The following PLAAT5 variants were observed in gnomAD, a reference collection of about 807,000 sequenced individuals.
PLAAT5 encodes the protein Ca(2+)-independent N-acyltransferase.
PLAAT5 carries 27 observed loss-of-function variants against 27.8 expected under a neutral mutation model. The ratio of observed to expected loss-of-function variants is 0.97; its 90% confidence interval spans 0.72 to 1.34. PLAAT5 has a LOEUF of 1.34. Ranked by LOEUF, PLAAT5 falls within the 40% of genes most tolerant of loss-of-function variation. PLAAT5 has a pLI of 0.00. For missense variants in PLAAT5, 368 were observed against 343.8 expected, an observed-to-expected ratio of 1.07 and a Z score of -0.56; for synonymous variants, 125 against 136.1, an observed-to-expected ratio of 0.92 and a Z score of 0.57.
At chr11:63,489,897 T>C (rs1398737608) in intron 2 of PLAAT5, among the ~76,000 whole-genome samples, 1 of 152,214 alleles carries the variant, frequency 6.6e-6, no homozygotes, top group East Asian at 1.9e-4. Context: ...ATCATGTTGT[T>C]AATGAAAGTG....
chr11:63,486,469 C>G (rs539486976), intron 3 of PLAAT5, among the ~76,000 whole-genome samples: 1 of 152,116 alleles, frequency 6.6e-6, no homozygotes, highest in South Asian at 2.1e-4. Context: ...CCACGGAATA[C>G]TACTCAGCCG....
intron 3 of PLAAT5, among the ~76,000 whole-genome samples, chr11:63,478,130 C>T (rs2016195193): frequency 6.6e-6 from 1 of 152,180 alleles, no homozygotes; most frequent in African/African-American, 2.4e-5. Flanking sequence ...ATGATTGTCA[C>T]TGAGATAACT....
At chr11:63,480,957 T>C (rs2016269613) in intron 3 of PLAAT5, among the ~76,000 whole-genome samples, 1 of 152,242 alleles carries the variant, frequency 6.6e-6, no homozygotes, top group South Asian at 2.1e-4. Context: ...CTTTTATTAA[T>C]ACTTGTTCAG....
intron 3 of PLAAT5, among the ~76,000 whole-genome samples, chr11:63,481,730 A>G (rs1022646156): frequency 6.6e-6 from 1 of 152,244 alleles, no homozygotes; most frequent in African/African-American, 2.4e-5. Flanking sequence ...GCAGCCATAA[A>G]AAATGATGAG....
At position 63,488,974 on chromosome 11, in the gene PLAAT5, T is replaced by C. The variant is rs773509772; in HGVS notation, c.242A>G (p.Glu81Gly). Residue 81 changes from glutamate (E) to glycine (G), a missense_variant and splice_region_variant, in exon 3 of 6, where the codon GAG (glutamate) becomes GGG (glycine). Coordinates refer to ENST00000540857, the MANE Select transcript of PLAAT5 (RefSeq NM_001146729.2). ...GGTCTCCAAGCTAACTACAGCCTTC[T>C]CCCTAAATGATTTTGCAATCACAAA... ...LEQGRSIQQGEKAVVSLETTP... is the reference protein window; with the variant it reads ...LEQGRSIQQGGKAVVSLETTP... The C allele has an allele frequency of 6.2e-7, 1 of 1,602,344 alleles. No individual in the cohort carries two copies. Among genetic ancestry groups the C allele is most frequent in the Non-Finnish European group, 8.5e-7 (1 of 1,171,050 alleles).
At chr11:63,480,085 C>T (rs2732325) in intron 3 of PLAAT5, among the ~76,000 whole-genome samples, 1,746 of 152,308 alleles carry the variant, frequency 0.011, 32 homozygotes, top group African/African-American at 0.039. Context: ...GCCAGCTGGA[C>T]GGTCACGTCT....
chr11:63,484,605 T>TA (rs1405383898), intron 3 of PLAAT5, among the ~76,000 whole-genome samples: 1 of 152,030 alleles, frequency 6.6e-6, no homozygotes, highest in Non-Finnish European at 1.5e-5. Flanking sequence ...CCTTTATGAT[T>TA]AAAAACCTCA....
chr11:63,471,750 A>C (rs557710210), intron 3 of PLAAT5, among the ~76,000 whole-genome samples: 17 of 152,382 alleles, frequency 1.1e-4, no homozygotes, highest in African/African-American at 4.1e-4. Context: ...AAAATGCAGT[A>C]CATTTTGAAA....
chr11:63,462,858 A>AT lies in PLAAT5; in HGVS notation c.*644dup, dbSNP rs1335130620. The AT allele has an allele frequency of 6.6e-6, 1 of 152,130 alleles. No individual in the cohort carries two copies. The highest frequency in any genetic ancestry group is 2.1e-4 in the South Asian group (1 of 4,830). 9.4% of individuals were successfully genotyped at this position (152,130 alleles called of 1,614,324 possible). On this transcript the variant is annotated 3_prime_UTR_variant, in exon 6 of 6. Transcript: ENST00000540857. ...ATTATGAGGTACAAAAGCAAGATAA[A>AT]TTGTCTTATCGATGATACTTTTGAT...
chr11:63,482,967 G>A (rs2016321034), intron 3 of PLAAT5, among the ~76,000 whole-genome samples: 1 of 152,062 alleles, frequency 6.6e-6, no homozygotes, highest in African/African-American at 2.4e-5. Context: ...TCTTATATAA[G>A]ACAAAACAGA....
In PLAAT5 at chr11:63,490,998, G is replaced by A. The variant is rs756630789; in HGVS notation, c.37C>T (p.Leu13Phe). ...GGTGGGGGAATCCTAGGGAGGCGGA[G>A]CGCGTACTCCCCCTCGGCGCCCGGG... is the stretch of plus-strand genomic sequence containing the variant. ...LSPGAEGEYALRLPRIPPPLP... is the reference protein window; with the variant it reads ...LSPGAEGEYAFRLPRIPPPLP... The change falls in exon 1 of 6, where the codon CTC becomes TTC. Residue 13 changes from leucine (L) to phenylalanine (F), a missense_variant. Physicochemically the swap from Leu to Phe is conservative, Grantham distance 22 (BLOSUM62 0). Transcript: ENST00000540857. 10 of 1,544,658 alleles carry A rather than the reference G, an allele frequency of 6.5e-6. No homozygotes were observed. The South Asian group carries it at 1.1e-4, about 17-fold the overall frequency.
intron 3 of PLAAT5, among the ~76,000 whole-genome samples, chr11:63,483,317 C>T (rs765603271): frequency 7.2e-5 from 11 of 152,094 alleles, no homozygotes; most frequent in Non-Finnish European, 1.3e-4. Flanking sequence ...TTCTTTTCAT[C>T]AGCACATGGA....
At chr11:63,469,103 CGTGTGTGTGTGTGTGTGTGT>C (rs34013443) in intron 3 of PLAAT5, among the ~76,000 whole-genome samples, 1 of 134,350 alleles carries the variant, frequency 7.4e-6, no homozygotes, top group South Asian at 2.5e-4. Context: ...TCTCTATTAT[CGTGTGTGTGTGTGTGTGTGT>C]GTGTGTGTGT....
At chr11:63,486,184 G>A (rs2016429434) in intron 3 of PLAAT5, among the ~76,000 whole-genome samples, 1 of 152,124 alleles carries the variant, frequency 6.6e-6, no homozygotes, top group African/African-American at 2.4e-5. Flanking sequence ...CTGCTGGTGG[G>A]GATGTAAACT....
intron 5 of PLAAT5, among the ~76,000 whole-genome samples, chr11:63,464,906 T>C (rs2015816116): frequency 6.6e-6 from 1 of 152,124 alleles, no homozygotes; most frequent in Non-Finnish European, 1.5e-5. Context: ...CCTTATCCCC[T>C]GCAAAGCCAC....
intron 3 of PLAAT5, chr11:63,469,678 C>CCTG: frequency 5.7e-6 from 1 of 176,604 alleles, no homozygotes; most frequent in Non-Finnish European, 1.3e-5. Flanking sequence ...AATTTGTCAA[C>CCTG]TACTCAGAGC....
intron 3 of PLAAT5, among the ~76,000 whole-genome samples, chr11:63,478,918 T>A (rs2016216718): frequency 1.3e-5 from 2 of 152,128 alleles, no homozygotes; most frequent in South Asian, 4.1e-4. Flanking sequence ...CCAGAACTAC[T>A]CCCTTGCCCC....
chr11:63,478,196 G>A (rs995142141), intron 3 of PLAAT5, among the ~76,000 whole-genome samples: 3 of 152,094 alleles, frequency 2.0e-5, no homozygotes, highest in African/African-American at 4.8e-5. Flanking sequence ...CTGCTGCCAC[G>A]CCATTCCCTC....
At chr11:63,477,498 C>CA (rs2016178735) in intron 3 of PLAAT5, among the ~76,000 whole-genome samples, 1 of 152,006 alleles carries the variant, frequency 6.6e-6, no homozygotes, top group African/African-American at 2.4e-5. Flanking sequence ...TTTTTTGAGA[C>CA]AGAGTCTCGC....
Sources: allele counts gnomAD v4.1 joint callset (sites outside exome capture counted in the v4.1 genomes callset), GRCh38; gene constraint gnomAD v4.1.1; transcripts MANE v1.5; gene names NCBI Gene and HGNC (gene_info 2026-07-23, HGNC 2026-07-21).